CALML6: variants seen among roughly 807,000 people sequenced by gnomAD.
CALML6 encodes calmodulin like 6.
In CALML6, 27 loss-of-function variants were observed where a neutral mutation model predicts 25.0. The ratio of observed to expected loss-of-function variants is 1.08; its 90% CI spans 0.80 to 1.49. CALML6 has a LOEUF of 1.49. Among genes scored for constraint, CALML6 ranks in the 40% most tolerant of loss-of-function variants. The pLI, the probability that CALML6 is intolerant of heterozygous loss-of-function variation, is 0.00. For missense variants in CALML6, 239 were observed against 232.7 expected (o/e 1.03, Z -0.18); for synonymous variants, 97 against 87.2 (o/e 1.11, Z -0.63).
At chr1:1,915,626 A>G (rs564419430) in intron 1 of CALML6, 59 bp from the exon 2 acceptor site, 271 of 1,580,742 alleles carry the variant, frequency 1.7e-4, no homozygotes, top group Middle Eastern at 3.3e-4. Flanking sequence ...CGGGGACCCC[A>G]GGCAGCCAGG....
At position 1,916,908 on chromosome 1, in the gene CALML6, G is replaced by T; in HGVS notation, c.398+12G>T. Reference sequence around the variant, plus strand: ...TGGAACACACTCAAGTAGGGCCCGGGTTGGGGGCGGGTGGTGGGCGGGCAC... The same window carrying T: ...TGGAACACACTCAAGTAGGGCCCGGTTTGGGGGCGGGTGGTGGGCGGGCAC... On this transcript the variant is annotated intron_variant, in intron 4 of 5. Coordinates refer to ENST00000307786, the MANE Select transcript of CALML6 (RefSeq NM_138705.4). 6.4e-7 allele frequency: 1 copy of T among 1,555,100 alleles called. No individual in the cohort carries two copies. The highest frequency in any genetic ancestry group is 1.1e-5 in the South Asian group (1 of 89,222).
rs755576880 is a variant in CALML6 at position 1,916,510 on chromosome 1, AACGGGGAGGTGAAG to A, written c.155_168del (p.Glu52GlyfsTer17). 6.2e-7 allele frequency: 1 copy of A among 1,603,862 alleles called. No individual in the cohort carries two copies. Among genetic ancestry groups the A allele is most frequent in the South Asian group, 1.1e-5 (1 of 89,936 alleles). The stretch of plus-strand genomic sequence containing the variant: ...CTTTGAGATGTTCGACGAAGAGGGC[AACGGGGAGGTGAAG>A]ACGGGGGAGCTGGAGTGGCTCATGA... On this transcript the variant is annotated frameshift_variant, in exon 3 of 6. Transcript: ENST00000307786. LOFTEE classifies it high-confidence loss of function.
intron 1 of CALML6, 110 bp from the exon 2 acceptor site, chr1:1,915,575 C>A: frequency 7.6e-7 from 1 of 1,314,526 alleles, no homozygotes. Context: ...ATAGGGCCGG[C>A]AGGATTTCCC....
chr1:1,916,923 T>TGGGGG, intron 4 of CALML6, 27 bp downstream of exon 4: 2 of 361,938 alleles, frequency 5.5e-6, no homozygotes, highest in Admixed American at 4.8e-5. Context: ...GGGCGGGTGG[T>TGGGGG]GGGCGGGCAC....
At chr1:1,915,571 C>A in intron 1 of CALML6, 114 bp from the exon 2 acceptor site, 1 of 1,297,750 alleles carries the variant, frequency 7.7e-7, no homozygotes, top group Non-Finnish European at 1.1e-6. Context: ...CAAAATAGGG[C>A]CGGCAGGATT....
At position 1,915,271 on chromosome 1, in the gene CALML6, G is replaced by C. The variant is rs140034981; in HGVS notation, c.-10G>C. The C allele has an allele frequency of 8.6e-4, 1,339 of 1,558,340 alleles. 11 individuals carry two copies. The African/African-American group carries it at 0.016, about 19-fold the overall frequency. ...CCAGGCTCTGAGCCACTGAGCACCA[G>C]CTGGCCAGGATGGGTCTTCAACAAG... On this transcript the variant is annotated 5_prime_UTR_variant, in exon 1 of 6. Transcript: ENST00000307786.
chr1:1,915,757 G>A (rs753150787), intron 2 of CALML6, 22 bp downstream of exon 2: 37 of 1,611,778 alleles, frequency 2.3e-5, no homozygotes, highest in Admixed American at 3.3e-5. Context: ...CTCTGTGCCC[G>A]ATGGAGTCTC....
rs781249267 is a variant in CALML6 at position 1,916,426 on chromosome 1, G to A, written c.79-15G>A. 3.4e-5 allele frequency: 52 copies of A among 1,507,666 alleles called. No individual in the cohort carries two copies. Among genetic ancestry groups the A allele is most frequent in the African/African-American group, 5.6e-5 (4 of 71,822 alleles). The allele number at this position is 1,507,666 out of a possible 1,614,324, so 93.4% of individuals were successfully genotyped here. A position where few individuals can be genotyped will look rare whatever the true frequency, so the allele number is the denominator to read the frequency against. Reference sequence around the variant, plus strand: ...AAGGGGCTCCTGGTCAGGCCGGTGCGGGTGTCCCCTGCAGACAGAGCGCCT... The same window carrying A: ...AAGGGGCTCCTGGTCAGGCCGGTGCAGGTGTCCCCTGCAGACAGAGCGCCT... On this transcript the variant is annotated splice_polypyrimidine_tract_variant and intron_variant, in intron 2 of 5. Transcript: ENST00000307786.
intron 1 of CALML6, 114 bp from the exon 2 acceptor site, chr1:1,915,571 C>T: frequency 7.7e-7 from 1 of 1,297,758 alleles, no homozygotes. Context: ...CAAAATAGGG[C>T]CGGCAGGATT....
Position 1,916,980 on chromosome 1 carries a change from G to A in CALML6, c.405G>A (p.Val135=). 1 of 1,610,676 alleles carries A rather than the reference G, an allele frequency of 6.2e-7. No individual in the cohort carries two copies. The highest frequency in any genetic ancestry group is 1.1e-5 in the South Asian group (1 of 90,932). ...TCAGCGCCAGGCCCCGTAGGTACGTGCTAATGAACGCAGGGGAGCCCCTCA... is the reference window on the plus strand; with the variant it reads ...TCAGCGCCAGGCCCCGTAGGTACGTACTAATGAACGCAGGGGAGCCCCTCA... ...GYIDWNTLKY[V]LMNAGEPLNE... is the part of the protein sequence containing the mutation. Residue 135 remains valine (V), a synonymous_variant, in exon 5 of 6, where the codon GTG becomes GTA. Transcript: ENST00000307786.
chr1:1,916,259 G>A, intron 2 of CALML6, 182 bp from the exon 3 acceptor site: 1 of 560,512 alleles, frequency 1.8e-6, no homozygotes, highest in Non-Finnish European at 3.0e-6. Flanking sequence ...TGCTGGCCCT[G>A]CAAACCCCTG....
chr1:1,917,128 C>T lies in CALML6; in HGVS notation c.500-19C>T, dbSNP rs771655850. ...TGGCTGGGCCGGGGCAAGCTGCTGA[C>T]CTGCCCCTCTGTTCCCAGAGTTTGT... On this transcript the variant is annotated intron_variant, in intron 5 of 5. Transcript: ENST00000307786. The T allele has an allele frequency of 4.4e-6, 7 of 1,608,776 alleles. No homozygotes were observed. The South Asian group carries it at 6.6e-5, about 15-fold the overall frequency.
chr1:1,916,684 G>A, intron 3 of CALML6, 68 bp from the exon 4 acceptor site: 1 of 1,609,116 alleles, frequency 6.2e-7, no homozygotes, highest in Non-Finnish European at 8.5e-7. Context: ...GTGCCTACGG[G>A]GGGAAGAGGC....
chr1:1,915,442 T>C (rs1651076624), intron 1 of CALML6, 135 bp downstream of exon 1: 5 of 1,468,946 alleles, frequency 3.4e-6, no homozygotes, highest in Non-Finnish European at 4.6e-6. Flanking sequence ...GGTCCCGCCA[T>C]GTCTCAGCCC....
At chr1:1,915,600 C>T in intron 1 of CALML6, 85 bp from the exon 2 acceptor site, 2 of 1,465,764 alleles carry the variant, frequency 1.4e-6, no homozygotes, top group Non-Finnish European at 1.9e-6. Flanking sequence ...ATAAAAGGCT[C>T]TTGGAATCTG....
chr1:1,917,124 C>A (rs1364577270), intron 5 of CALML6, 23 bp from the exon 6 acceptor site: 1 of 1,608,524 alleles, frequency 6.2e-7, no homozygotes, highest in Non-Finnish European at 8.5e-7. Flanking sequence ...GGGCAAGCTG[C>A]TGACCTGCCC....
In CALML6 at chr1:1,915,743, T is replaced by G; in HGVS notation, c.78+8T>G. On this transcript the variant is annotated splice_region_variant and intron_variant, in intron 2 of 5. Coordinates refer to ENST00000307786, the MANE Select transcript of CALML6 (RefSeq NM_138705.4). ...CAGACAACCACCGACATGGTAAGGC[T>G]GCTCTCTGTGCCCGATGGAGTCTCT... The G allele has an allele frequency of 6.2e-7, 1 of 1,613,230 alleles. No individual in the cohort carries two copies. Among genetic ancestry groups the G allele is most frequent in the African/African-American group, 1.3e-5 (1 of 75,062 alleles).
At position 1,916,455 on chromosome 1, in the gene CALML6, G is replaced by A. The variant is rs41315320; in HGVS notation, c.93G>A (p.Ser31=). Residue 31 remains serine, a synonymous_variant, in exon 3 of 6, where the codon TCG becomes TCA. Coordinates refer to ENST00000307786, the MANE Select transcript of CALML6 (RefSeq NM_138705.4). ...QTTTDMTERL[S]AEQIKEYKGV... ...GTCCCCTGCAGACAGAGCGCCTGTCGGCTGAGCAGATCAAGGAGTACAAGG... is the reference window on the plus strand; with the variant it reads ...GTCCCCTGCAGACAGAGCGCCTGTCAGCTGAGCAGATCAAGGAGTACAAGG... 9.7e-6 allele frequency: 15 copies of A among 1,540,408 alleles called. No individual in the cohort carries two copies. The highest frequency in any genetic ancestry group is 9.6e-6 in the Non-Finnish European group (11 of 1,141,536).
rs375451264 is a variant in CALML6 at position 1,916,864 on chromosome 1, G to A, written c.366G>A (p.Glu122=). Residue 122 remains glutamate (E), a synonymous_variant, in exon 4 of 6, where the codon GAG becomes GAA. Transcript: ENST00000307786. ...LRAAFRVFDK[E]GKGYIDWNTL... Reference sequence around the variant, plus strand: ...CGGCATTCCGTGTCTTTGACAAAGAGGGCAAGGGCTACATTGACTGGAACA... The same window carrying A: ...CGGCATTCCGTGTCTTTGACAAAGAAGGCAAGGGCTACATTGACTGGAACA... 5 of 1,613,044 alleles carry A rather than the reference G, an allele frequency of 3.1e-6. No homozygotes were observed. Among genetic ancestry groups the A allele is most frequent in the Non-Finnish European group, 3.4e-6 (4 of 1,179,926 alleles).
Sources: gnomAD v4.1 joint callset for allele counts on GRCh38, gnomAD v4.1.1 for gene constraint, MANE v1.5 for transcripts, NCBI Gene and HGNC (gene_info 2026-07-23, HGNC 2026-07-21) for gene names.